The following ASTN2 variants were observed in gnomAD, a reference collection of about 807,000 sequenced individuals.
ASTN2 encodes astrotactin 2.
Under a neutral mutation model 139.8 loss-of-function variants are expected in ASTN2, and 54 were observed. The observed-to-expected ratio is 0.39, with a 90% CI of 0.31 to 0.48. The LOEUF is 0.48. Among genes scored for constraint, ASTN2 ranks in the 20% least tolerant of loss-of-function variants. The probability of loss-of-function intolerance (pLI) is 0.95; values close to 1 mark genes in which losing one functional copy is unlikely to be tolerated. For synonymous variants in ASTN2, 756 were observed against 719.5 expected (o/e 1.05, Z -0.81); for missense variants, 1,565 against 1,725.1 (o/e 0.91, Z 1.64).
At chr9:116,798,613 C>T (rs912326328) in intron 13 of ASTN2, among the ~76,000 whole-genome samples, 1 of 152,184 alleles carries the variant, frequency 6.6e-6, no homozygotes, top group African/African-American at 2.4e-5. Flanking sequence ...GACAGCATGT[C>T]TTATCGTAAG....
chr9:116,437,020 G>A (rs906855230), intron 22 of ASTN2, among the ~76,000 whole-genome samples: 6 of 148,370 alleles, frequency 4.0e-5, no homozygotes, highest in African/African-American at 1.5e-4. Context: ...GAGAACACAC[G>A]GACACAGGAA....
intron 16 of ASTN2, among the ~76,000 whole-genome samples, chr9:116,723,120 G>A (rs943785358): frequency 2.6e-5 from 4 of 151,838 alleles, no homozygotes; most frequent in African/African-American, 7.3e-5. Flanking sequence ...AGCAGAGATC[G>A]TGCCACTGAG....
At chr9:116,487,522 T>C (rs763253094) in intron 19 of ASTN2, 22 bp from the exon 20 acceptor site, 3 of 1,611,382 alleles carry the variant, frequency 1.9e-6, no homozygotes, top group African/African-American at 1.3e-5. Flanking sequence ...AAAAGAAAGA[T>C]GAGCTCCCCA....
At chr9:116,541,068 G>A (rs35436119) in intron 19 of ASTN2, among the ~76,000 whole-genome samples, 7,535 of 151,822 alleles carry the variant, frequency 0.05, 233 homozygotes, top group Non-Finnish European at 0.069. Context: ...TGGACATTGA[G>A]GAAAGAAATA....
intron 3 of ASTN2, among the ~76,000 whole-genome samples, chr9:117,160,240 A>G (rs17309941): frequency 0.35 from 53,763 of 151,898 alleles, 9,857 homozygotes; most frequent in Non-Finnish European, 0.4. Flanking sequence ...AGTTTCTACA[A>G]CACCATGAAA....
At chr9:116,864,483 C>CA (rs1217618085) in intron 10 of ASTN2, among the ~76,000 whole-genome samples, 24 of 152,272 alleles carry the variant, frequency 1.6e-4, no homozygotes, top group African/African-American at 5.1e-4. Context: ...TACCATAATC[C>CA]ATGGATCTGC....
At chr9:116,490,512 T>C (rs1849484966) in intron 19 of ASTN2, among the ~76,000 whole-genome samples, 1 of 152,084 alleles carries the variant, frequency 6.6e-6, no homozygotes, top group Non-Finnish European at 1.5e-5. Flanking sequence ...ATGAGTGTAT[T>C]AGTCATTATC....
At chr9:117,173,781 G>A (rs768712502) in intron 3 of ASTN2, among the ~76,000 whole-genome samples, 1 of 151,284 alleles carries the variant, frequency 6.6e-6, no homozygotes, top group Non-Finnish European at 1.5e-5. Context: ...TAATCATCTA[G>A]GCATTTAAGA....
intron 19 of ASTN2, among the ~76,000 whole-genome samples, chr9:116,605,419 AT>A (rs950290062): frequency 1.3e-5 from 2 of 152,058 alleles, no homozygotes; most frequent in African/African-American, 4.8e-5. Context: ...GAAGTTTCTG[AT>A]TTTTTTAAAG....
chr9:117,207,641 T>A (rs192931670), intron 3 of ASTN2, among the ~76,000 whole-genome samples: 1 of 152,266 alleles, frequency 6.6e-6, no homozygotes, highest in East Asian at 1.9e-4. Flanking sequence ...TACTCCCACA[T>A]TCTGAGCCTG....
At chr9:116,975,396 A>G in intron 9 of ASTN2, 51 bp from the exon 10 acceptor site, 1 of 1,521,146 alleles carries the variant, frequency 6.6e-7, no homozygotes, top group Admixed American at 2.1e-5. Flanking sequence ...CAGAGAGCAA[A>G]CAGAAAAAAG....
At chr9:117,166,603 C>T (rs557628295) in intron 3 of ASTN2, among the ~76,000 whole-genome samples, 1 of 152,192 alleles carries the variant, frequency 6.6e-6, no homozygotes, top group South Asian at 2.1e-4. Flanking sequence ...TTCTCTTTCA[C>T]TTCAAATACT....
intron 10 of ASTN2, among the ~76,000 whole-genome samples, chr9:116,924,429 C>CAAAAAA (rs35015769): frequency 7.3e-5 from 4 of 55,006 alleles, no homozygotes; most frequent in African/African-American, 1.7e-4. Flanking sequence ...GACTTCATCT[C>CAAAAAA]AAAAAAAAAA....
At chr9:116,835,332 C>G (rs1854024) in intron 11 of ASTN2, among the ~76,000 whole-genome samples, 128,183 of 152,166 alleles carry the variant, frequency 0.84, 54,196 homozygotes, top group East Asian at 0.95. Flanking sequence ...AGGCAAAATA[C>G]TTTATCCCAA....
At chr9:117,264,968 G>A (rs886459040) in intron 2 of ASTN2, among the ~76,000 whole-genome samples, 2 of 152,194 alleles carry the variant, frequency 1.3e-5, no homozygotes, top group Non-Finnish European at 2.9e-5. Context: ...CTATAAGTAA[G>A]AAATGTAGGC....
At chr9:117,088,316 C>T (rs1828620285) in intron 5 of ASTN2, among the ~76,000 whole-genome samples, 1 of 152,154 alleles carries the variant, frequency 6.6e-6, no homozygotes, top group Non-Finnish European at 1.5e-5. Flanking sequence ...CATCCGCCCT[C>T]ACACCTTGGC....
intron 20 of ASTN2, among the ~76,000 whole-genome samples, chr9:116,460,455 G>A (rs757148359): frequency 2.6e-5 from 4 of 152,116 alleles, no homozygotes; most frequent in African/African-American, 9.7e-5. Context: ...GGAGTCAGGA[G>A]GATCCTGCCT....
At chr9:116,437,316 G>A (rs184889215) in intron 22 of ASTN2, 5 of 471,202 alleles carry the variant, frequency 1.1e-5, no homozygotes, top group Non-Finnish European at 2.2e-5. Flanking sequence ...GCAGCACCAG[G>A]ATAGATTAGG....
At chr9:117,131,132 G>A (rs1320982239) in intron 4 of ASTN2, among the ~76,000 whole-genome samples, 1 of 152,132 alleles carries the variant, frequency 6.6e-6, no homozygotes, top group East Asian at 1.9e-4. Flanking sequence ...GTAGGTAATA[G>A]GGCCTATGTG....
Sources: gnomAD v4.1 joint callset for allele counts (sites outside exome capture counted in the v4.1 genomes callset) on GRCh38, gnomAD v4.1.1 for gene constraint, MANE v1.5 for transcripts, NCBI Gene and HGNC (gene_info 2026-07-23, HGNC 2026-07-21) for gene names.